The following UNC13C variants were observed in gnomAD, a reference collection of about 807,000 sequenced individuals.
UNC13C encodes protein unc-13 homolog C.
In UNC13C, 174 loss-of-function variants were observed where a neutral mutation model predicts 245.4. That is an observed-to-expected ratio of 0.71 (90% CI 0.63 to 0.80). The LOEUF is 0.80. Ranked by LOEUF, UNC13C falls within the 30% of genes least tolerant of loss-of-function variation. The pLI is 0.00. For missense variants in UNC13C, 2,829 were observed against 2,602.9 expected (o/e 1.09, Z -1.89); for synonymous variants, 992 against 895.1 (o/e 1.11, Z -1.93).
chr15:54,334,819 A>G (rs1303316476), intron 16 of UNC13C, among the ~76,000 whole-genome samples: 11 of 152,154 alleles, frequency 7.2e-5, no homozygotes, highest in Admixed American at 7.2e-4. Flanking sequence ...GATGTCTGCC[A>G]TTGACACTGA....
chr15:54,477,146 G>C (rs1345875305), intron 19 of UNC13C, among the ~76,000 whole-genome samples: 1 of 113,770 alleles, frequency 8.8e-6, no homozygotes, highest in Non-Finnish European at 1.8e-5. Context: ...TGTGATTTTT[G>C]TACATTGATT....
At chr15:53,898,002 C>A in the UNC13C span, among the ~76,000 whole-genome samples, 1 of 152,086 alleles carries the variant, frequency 6.6e-6, no homozygotes, top group Non-Finnish European at 1.5e-5. Flanking sequence ...ATAATAAAAA[C>A]CTTGCTGAGC....
the UNC13C span, among the ~76,000 whole-genome samples, chr15:53,851,097 T>C: frequency 6.6e-6 from 1 of 152,130 alleles, no homozygotes; most frequent in African/African-American, 2.4e-5. Context: ...TGAGCATATA[T>C]ATCATATTTA....
intron 3 of UNC13C, 144 bp downstream of exon 3, chr15:54,143,184 T>A: frequency 1.2e-6 from 1 of 837,204 alleles, no homozygotes; most frequent in Non-Finnish European, 1.9e-6. Context: ...TGGTTGTCCT[T>A]TAAGTGTGCC....
chr15:54,136,660 G>A (rs779379554), intron 2 of UNC13C, among the ~76,000 whole-genome samples: 5 of 152,022 alleles, frequency 3.3e-5, no homozygotes, highest in Non-Finnish European at 7.4e-5. Context: ...TTTCACTGTC[G>A]AGTATGATGT....
At chr15:54,296,320 C>T (rs946154364) in intron 11 of UNC13C, among the ~76,000 whole-genome samples, 5 of 152,026 alleles carry the variant, frequency 3.3e-5, no homozygotes, top group African/African-American at 4.8e-5. Context: ...GCTGCCTCAG[C>T]CTCCCGAGTA....
intron 2 of UNC13C, among the ~76,000 whole-genome samples, chr15:54,079,304 AG>A (rs1898809361): frequency 6.6e-6 from 1 of 151,960 alleles, no homozygotes; most frequent in Non-Finnish European, 1.5e-5. Flanking sequence ...GGCATATTTT[AG>A]TTCCATATTA....
the UNC13C span, among the ~76,000 whole-genome samples, chr15:53,864,325 T>A: frequency 1.3e-5 from 2 of 152,202 alleles, no homozygotes; most frequent in Non-Finnish European, 2.9e-5. Context: ...CTGCATTATC[T>A]TTAGTGATTC....
downstream of UNC13C, chr15:54,631,921 T>G (rs553932804): frequency 4.7e-4 from 72 of 152,344 alleles, no homozygotes; most frequent in African/African-American, 1.6e-3. Context: ...CAAACTTTTT[T>G]GAAAGTAGTT....
At chr15:54,332,907 A>C (rs992594067) in intron 15 of UNC13C, among the ~76,000 whole-genome samples, 8 of 151,942 alleles carry the variant, frequency 5.3e-5, no homozygotes, top group African/African-American at 1.9e-4. Context: ...TTATAATACC[A>C]AATTTAATTT....
At chr15:54,209,781 C>T (rs1464363912) in intron 4 of UNC13C, among the ~76,000 whole-genome samples, 3 of 152,074 alleles carry the variant, frequency 2.0e-5, no homozygotes, top group Non-Finnish European at 2.9e-5. Context: ...ATCGGCTAAA[C>T]AACGATTACA....
chr15:53,922,660 C>T, the UNC13C span, among the ~76,000 whole-genome samples: 1 of 152,196 alleles, frequency 6.6e-6, no homozygotes, highest in African/African-American at 2.4e-5. Flanking sequence ...CCTCAGAGTA[C>T]CATGCTTACG....
At chr15:54,260,861 AC>A (rs2036406622) in intron 8 of UNC13C, among the ~76,000 whole-genome samples, 3 of 151,374 alleles carry the variant, frequency 2.0e-5, no homozygotes, top group Admixed American at 2.0e-4. Flanking sequence ...GAAAAAAAAC[AC>A]AAAAATTGTA....
intron 30 of UNC13C, among the ~76,000 whole-genome samples, chr15:54,568,348 G>A (rs996579927): frequency 1.3e-5 from 2 of 151,916 alleles, no homozygotes; most frequent in East Asian, 1.9e-4. Flanking sequence ...TCCTAATTTC[G>A]AATGTAAAAT....
At chr15:53,890,503 T>C in the UNC13C span, among the ~76,000 whole-genome samples, 1 of 152,206 alleles carries the variant, frequency 6.6e-6, no homozygotes, top group Non-Finnish European at 1.5e-5. Flanking sequence ...CTGGACTTTT[T>C]TGGGTTGGTA....
chr15:53,883,852 C>G, the UNC13C span, among the ~76,000 whole-genome samples: 8,115 of 152,252 alleles, frequency 0.053, 274 homozygotes, highest in Middle Eastern at 0.15. Context: ...GAAAGCCTCA[C>G]TATTTCCTCA....
intron 30 of UNC13C, among the ~76,000 whole-genome samples, chr15:54,590,443 G>C (rs1235785399): frequency 1.3e-5 from 2 of 152,112 alleles, no homozygotes; most frequent in East Asian, 3.9e-4. Flanking sequence ...CCATTTGTTT[G>C]TGTCATCTGT....
chr15:53,896,652 GGGCAAC>G, the UNC13C span, among the ~76,000 whole-genome samples: 2 of 151,756 alleles, frequency 1.3e-5, no homozygotes, highest in Non-Finnish European at 2.9e-5. Context: ...GTCATGTTCA[GGGCAAC>G]TAGTTGCTCA....
At chr15:54,413,634 C>T (rs1401831728) in intron 18 of UNC13C, among the ~76,000 whole-genome samples, 1 of 151,900 alleles carries the variant, frequency 6.6e-6, no homozygotes, top group East Asian at 1.9e-4. Context: ...AAATCGAATG[C>T]CTTATTAGAC....
Sources: allele counts gnomAD v4.1 joint callset (sites outside exome capture counted in the v4.1 genomes callset), GRCh38; gene constraint gnomAD v4.1.1; transcripts MANE v1.5; gene names NCBI Gene and HGNC (gene_info 2026-07-23, HGNC 2026-07-21).